The following SCCPDH variants were observed in gnomAD, a reference collection of about 807,000 sequenced individuals.
SCCPDH encodes saccharopine dehydrogenase (putative).
Under a neutral mutation model 51.5 loss-of-function variants are expected in SCCPDH, and 34 were observed. The ratio of observed to expected loss-of-function variants is 0.66; its 90% confidence interval spans 0.50 to 0.88. The LOEUF is 0.88. SCCPDH is among the 40% of genes least tolerant of loss of function. The pLI is 0.00. For missense variants in SCCPDH, 464 were observed against 527.1 expected (o/e 0.88, Z 1.17); for synonymous variants, 187 against 191.3 (o/e 0.98, Z 0.19).
At chr1:246,752,661 CG>C in intron 5 of SCCPDH, among the ~76,000 whole-genome samples, 1 of 151,922 alleles carries the variant, frequency 6.6e-6, no homozygotes, top group East Asian at 1.9e-4. Context: ...TAACTTTCCT[CG>C]ATTCCTGTCT....
At chr1:246,732,713 T>C (rs962063862) in intron 2 of SCCPDH, among the ~76,000 whole-genome samples, 3 of 152,064 alleles carry the variant, frequency 2.0e-5, no homozygotes, top group African/African-American at 7.2e-5. Flanking sequence ...ACCTGAGAAT[T>C]ATGTGGGGAG....
At chr1:246,729,863 C>A (rs1297311625) in intron 2 of SCCPDH, among the ~76,000 whole-genome samples, 1 of 152,124 alleles carries the variant, frequency 6.6e-6, no homozygotes, top group Non-Finnish European at 1.5e-5. Flanking sequence ...TAATAAATGT[C>A]CATGAAATCT....
intron 5 of SCCPDH, among the ~76,000 whole-genome samples, chr1:246,747,528 G>A (rs1472534258): frequency 6.6e-6 from 1 of 152,188 alleles, no homozygotes; most frequent in Non-Finnish European, 1.5e-5. Flanking sequence ...TGCCGCAAAA[G>A]AAATAGCGCT....
intron 5 of SCCPDH, among the ~76,000 whole-genome samples, chr1:246,752,983 C>T (rs1668874277): frequency 6.6e-6 from 1 of 152,074 alleles, no homozygotes; most frequent in African/African-American, 2.4e-5. Context: ...GTCTCTCTCT[C>T]TCTCCGCCTC....
chr1:246,747,125 G>A (rs375490240), intron 5 of SCCPDH, among the ~76,000 whole-genome samples: 5 of 152,222 alleles, frequency 3.3e-5, no homozygotes, highest in African/African-American at 9.6e-5. Context: ...GATACTGTCC[G>A]AACTCTTTTT....
In SCCPDH at chr1:246,761,069, G is replaced by T. The variant is rs375493060; in HGVS notation, c.990+842G>T. ...TGACCTTCTTTCCTCCTCTCTGGAT[G>T]ATATACTCCCTGTACAAGGCTAATC... is the stretch of plus-strand genomic sequence containing the variant. On this transcript the variant is annotated intron_variant, in intron 9 of 11. Transcript: ENST00000366510. Among the ~76,000 whole-genome samples the T allele has an allele frequency of 7.2e-5, 11 of 152,070 alleles. No individual in the cohort carries two copies. In the East Asian group the frequency reaches 1.9e-3, roughly 27 times the overall value.
chr1:246,752,574 A>G (rs1021770177), intron 5 of SCCPDH, among the ~76,000 whole-genome samples: 3 of 152,204 alleles, frequency 2.0e-5, no homozygotes, highest in African/African-American at 7.2e-5. Flanking sequence ...TTTTAAAGGA[A>G]TAGGGTATTG....
intron 5 of SCCPDH, among the ~76,000 whole-genome samples, chr1:246,757,314 C>T (rs1219107769): frequency 5.8e-5 from 8 of 137,142 alleles, no homozygotes; most frequent in Non-Finnish European, 9.1e-5. Context: ...ATTGCACTCC[C>T]GTCTGGGTGA....
At chr1:246,753,868 G>A (rs1002785534) in intron 5 of SCCPDH, among the ~76,000 whole-genome samples, 1 of 151,982 alleles carries the variant, frequency 6.6e-6, no homozygotes, top group Non-Finnish European at 1.5e-5. Context: ...GTTATAAGGA[G>A]GGGGACAATG....
In SCCPDH at chr1:246,730,076, C is replaced by T. The variant is rs1436668270; in HGVS notation, c.303+3072C>T. 5.3e-5 allele frequency among the ~76,000 whole-genome samples: 8 copies of T among 152,196 alleles called. No individual in the cohort carries two copies. The South Asian group carries it at 1.7e-3, about 32-fold the overall frequency. ...TGCTTGATTCCACATACCCTTCCAA[C>T]TACTCTACTTTTTGTGCCCCCTTTT... On this transcript the variant is annotated intron_variant, in intron 2 of 11. Coordinates refer to ENST00000366510, the MANE Select transcript of SCCPDH (RefSeq NM_016002.3).
intron 9 of SCCPDH, among the ~76,000 whole-genome samples, chr1:246,760,586 T>A (rs975338206): frequency 2.0e-4 from 30 of 152,216 alleles, no homozygotes; most frequent in African/African-American, 7.0e-4. Flanking sequence ...TTTTCCTTTG[T>A]GCCTCCTCTG....
At chr1:246,737,645 G>A (rs1668616098) in intron 3 of SCCPDH, among the ~76,000 whole-genome samples, 1 of 151,934 alleles carries the variant, frequency 6.6e-6, no homozygotes, top group Non-Finnish European at 1.5e-5. Context: ...AGGCTGGAGT[G>A]CAGTGCTACG....
rs1305657858 is a variant in SCCPDH at position 246,739,031 on chromosome 1, G to A, written c.385-1141G>A. 4.6e-5 allele frequency among the ~76,000 whole-genome samples: 7 copies of A among 152,112 alleles called. No homozygotes were observed. The South Asian group carries it at 6.2e-4, about 13-fold the overall frequency. ...TTAGTGTGACTTAATGTGTTTGTGT[G>A]TGCATGAGCAAGTGTGTGTGTGTGA... On this transcript the variant is annotated intron_variant, in intron 3 of 11. Coordinates refer to ENST00000366510, the MANE Select transcript of SCCPDH (RefSeq NM_016002.3).
At chr1:246,735,825 C>A in intron 2 of SCCPDH, 150 bp from the exon 3 acceptor site, 2 of 547,638 alleles carry the variant, frequency 3.7e-6, no homozygotes, top group Non-Finnish European at 6.4e-6. Context: ...AGCCACTGTG[C>A]CTGGCCACTT....
At chr1:246,736,526 C>A (rs1359466875) in intron 3 of SCCPDH, among the ~76,000 whole-genome samples, 1 of 151,912 alleles carries the variant, frequency 6.6e-6, no homozygotes. Flanking sequence ...ACGGTGAAAC[C>A]CCATGTCTAC....
Position 246,747,593 on chromosome 1 carries a change from G to A in SCCPDH, c.564+3468G>A, listed in dbSNP as rs575451690. 3.9e-5 allele frequency among the ~76,000 whole-genome samples: 6 copies of A among 152,322 alleles called. No homozygotes were observed. In the South Asian group the frequency reaches 8.3e-4, roughly 21 times the overall value. On this transcript the variant is annotated intron_variant, in intron 5 of 11. Coordinates refer to ENST00000366510, the MANE Select transcript of SCCPDH (RefSeq NM_016002.3). Reference sequence around the variant, plus strand: ...TTACTTCTATAGAAGGGTGCATCTCGTGGATGGAGCAATGGTGAGAGCACA... The same window carrying A: ...TTACTTCTATAGAAGGGTGCATCTCATGGATGGAGCAATGGTGAGAGCACA...
rs532201062 is a variant in SCCPDH, at chr1:246,753,095, C to CCT, written c.565-5130_565-5129dup. On this transcript the variant is annotated intron_variant, in intron 5 of 11. Coordinates refer to ENST00000366510, the MANE Select transcript of SCCPDH (RefSeq NM_016002.3). ...TCTCTCTCCTTGACTCCTTCTGTTC[C>CCT]CTGTCAGTCTTTCTCCTCTAGGATT... Among the ~76,000 whole-genome samples, 674 of 150,866 alleles carry CCT rather than the reference C, an allele frequency of 4.5e-3. 6 individuals carry two copies. The highest frequency in any genetic ancestry group is 0.015 in the African/African-American group (629 of 41,042).
At chr1:246,741,436 G>A (rs947811851) in intron 4 of SCCPDH, among the ~76,000 whole-genome samples, 8 of 152,104 alleles carry the variant, frequency 5.3e-5, no homozygotes, top group African/African-American at 1.9e-4. Context: ...AGCTAGGACT[G>A]CAGGCTTATG....
rs189506310 is a variant in SCCPDH at position 246,750,702 on chromosome 1, C to T, written c.564+6577C>T. 2.5e-4 allele frequency among the ~76,000 whole-genome samples: 38 copies of T among 152,282 alleles called. No individual in the cohort carries two copies. The East Asian group carries it at 7.1e-3, about 29-fold the overall frequency. On this transcript the variant is annotated intron_variant, in intron 5 of 11. Transcript: ENST00000366510. ...ATATTTTCAACTAATGCCTTGACTA[C>T]ATTACTAGCAGTTGTACTTGAAAAG...
Sources: allele counts gnomAD v4.1 joint callset (sites outside exome capture counted in the v4.1 genomes callset), GRCh38; gene constraint gnomAD v4.1.1; transcripts MANE v1.5; gene names NCBI Gene and HGNC (gene_info 2026-07-23, HGNC 2026-07-21).